Variants in IL1RAPL1 observed in about 807,000 individuals in gnomAD.
IL1RAPL1 encodes the protein interleukin-1 receptor accessory protein-like 1.
IL1RAPL1 carries 3 observed loss-of-function variants against 48.4 expected under a neutral mutation model. The ratio of observed to expected loss-of-function variants is 0.06; its 90% CI spans 0.03 to 0.16. The LOEUF is 0.16. Ranked by LOEUF, IL1RAPL1 falls within the 10% of genes least tolerant of loss-of-function variation. The pLI, the probability that IL1RAPL1 is intolerant of heterozygous loss-of-function variation, is 1.00. For missense variants in IL1RAPL1, 349 were observed against 530.6 expected (o/e 0.66, Z 3.36); for synonymous variants, 185 against 187.7 (o/e 0.99, Z 0.12).
intron 2 of IL1RAPL1, among the ~76,000 whole-genome samples, chrX:28,921,859 A>G (rs191030902): frequency 1.8e-5 from 2 of 112,298 alleles, no homozygotes; most frequent in Admixed American, 9.5e-5. Flanking sequence ...CCACTAACCA[A>G]CGTATCAAAG....
chrX:29,038,537 G>T (rs1465887280), intron 2 of IL1RAPL1, among the ~76,000 whole-genome samples: 2 of 111,602 alleles, frequency 1.8e-5, no homozygotes, highest in Non-Finnish European at 3.8e-5. Context: ...GACCCATCAT[G>T]TTCTGATCAC....
At chrX:29,871,946 C>T (rs1406031288) in intron 6 of IL1RAPL1, among the ~76,000 whole-genome samples, 1 of 111,337 alleles carries the variant, frequency 9.0e-6, no homozygotes, top group Non-Finnish European at 1.9e-5. Context: ...CTGACTTGAA[C>T]TCCTGACCTT....
At chrX:28,626,691 C>A (rs1934344266) in intron 1 of IL1RAPL1, among the ~76,000 whole-genome samples, 1 of 112,510 alleles carries the variant, frequency 8.9e-6, no homozygotes, top group Admixed American at 9.4e-5. Flanking sequence ...GTCTAAAGGG[C>A]AGCAATCTCT....
intron 2 of IL1RAPL1, among the ~76,000 whole-genome samples, chrX:29,123,089 G>T (rs1044870660): frequency 6.4e-5 from 7 of 109,051 alleles, no homozygotes; most frequent in Non-Finnish European, 1.9e-5. Context: ...GAGTGCAGTG[G>T]CGCAACCTCA....
intron 2 of IL1RAPL1, among the ~76,000 whole-genome samples, chrX:29,030,184 A>G (rs1026762462): frequency 9.0e-6 from 1 of 111,066 alleles, no homozygotes; most frequent in Non-Finnish European, 1.9e-5. Context: ...GAATAAAGTC[A>G]GTCCTCTGAA....
At chrX:29,039,560 G>C (rs1433787517) in intron 2 of IL1RAPL1, among the ~76,000 whole-genome samples, 1 of 110,649 alleles carries the variant, frequency 9.0e-6, no homozygotes, top group African/African-American at 3.3e-5. Flanking sequence ...AGCCTTGCAT[G>C]GCTCGGGCAA....
intron 2 of IL1RAPL1, among the ~76,000 whole-genome samples, chrX:28,871,492 CAG>C (rs1478070635): frequency 2.7e-5 from 3 of 111,962 alleles, no homozygotes; most frequent in Non-Finnish European, 5.6e-5. Flanking sequence ...TCAGATAAAA[CAG>C]TGTGCTTCCA....
intron 6 of IL1RAPL1, among the ~76,000 whole-genome samples, chrX:29,733,502 G>A (rs148327801): frequency 3.0e-4 from 34 of 111,886 alleles, no homozygotes; most frequent in Non-Finnish European, 3.6e-4. Context: ...GTGACCTTCA[G>A]AACTTTATGT....
intron 6 of IL1RAPL1, among the ~76,000 whole-genome samples, chrX:29,891,463 G>A (rs1932275050): frequency 9.0e-6 from 1 of 111,384 alleles, no homozygotes; most frequent in Admixed American, 9.6e-5. Context: ...TGGCTATTGA[G>A]CCCAGAGTTC....
At chrX:28,675,396 A>G (rs1376602539) in intron 1 of IL1RAPL1, among the ~76,000 whole-genome samples, 1 of 111,254 alleles carries the variant, frequency 9.0e-6, no homozygotes, top group Non-Finnish European at 1.9e-5. Context: ...CTAACTTGTC[A>G]TGTAATGGTT....
chrX:29,390,926 C>A (rs1219119180), intron 3 of IL1RAPL1, among the ~76,000 whole-genome samples: 2 of 111,610 alleles, frequency 1.8e-5, no homozygotes, highest in African/African-American at 6.5e-5. Context: ...GTAATCCCAG[C>A]ACTTTGGGAG....
chrX:29,806,428 A>G (rs759864379), intron 6 of IL1RAPL1, among the ~76,000 whole-genome samples: 3 of 112,116 alleles, frequency 2.7e-5, no homozygotes, highest in East Asian at 2.8e-4. Context: ...CTAAATTCCA[A>G]TGAAATCCAA....
chrX:28,825,943 C>T (rs778781447), intron 2 of IL1RAPL1, among the ~76,000 whole-genome samples: 3 of 111,179 alleles, frequency 2.7e-5, no homozygotes, highest in Non-Finnish European at 5.7e-5. Flanking sequence ...ATTTGAATTT[C>T]AGCTTCTCTG....
intron 6 of IL1RAPL1, among the ~76,000 whole-genome samples, chrX:29,905,012 C>T (rs1932579187): frequency 8.9e-6 from 1 of 112,106 alleles, no homozygotes; most frequent in African/African-American, 3.2e-5. Flanking sequence ...ATTCCTATTT[C>T]TCCACAGCCT....
At chrX:29,118,525 G>A (rs1336026665) in intron 2 of IL1RAPL1, among the ~76,000 whole-genome samples, 1 of 111,786 alleles carries the variant, frequency 8.9e-6, no homozygotes, top group African/African-American at 3.2e-5. Flanking sequence ...AGATGCAGAA[G>A]TTGTGAGAAA....
At chrX:29,264,471 A>G (rs143656635) in intron 2 of IL1RAPL1, among the ~76,000 whole-genome samples, 1,810 of 111,138 alleles carry the variant, frequency 0.016, 19 homozygotes, top group Middle Eastern at 0.048. Context: ...ACTAAGTTCC[A>G]TCTGTAAGAA....
rs5901899 is a variant in IL1RAPL1 at position 28,640,723 on chromosome X, TAA to T, written c.-25+52687_-25+52688del. On this transcript the variant is annotated intron_variant, in intron 1 of 10. Transcript: ENST00000378993. ...ATGAAGAAACTGAGCCTCAGGAAAT[TAA>T]AAAAAAAAAACTCATAACTAGTAAG... Among the ~76,000 whole-genome samples the T allele has an allele frequency of 1.0e-3, 105 of 102,685 alleles. 1 individual carries two copies. In the East Asian group the frequency reaches 0.015, roughly 14 times the overall value. The allele number at this position is 102,685 out of a possible 115,157, so 89.2% of individuals were successfully genotyped here.
intron 1 of IL1RAPL1, among the ~76,000 whole-genome samples, chrX:28,705,338 A>G (rs1240267300): frequency 1.8e-5 from 2 of 111,959 alleles, no homozygotes; most frequent in East Asian, 2.8e-4. Context: ...CCATAAAAAA[A>G]GAGAAAAAAC....
At chrX:29,819,588 A>T in intron 6 of IL1RAPL1, among the ~76,000 whole-genome samples, 1 of 111,045 alleles carries the variant, frequency 9.0e-6, no homozygotes, top group South Asian at 3.8e-4. Context: ...TCAAATTGTC[A>T]GTATGTAATT....
Sources: gnomAD v4.1 joint callset for allele counts (sites outside exome capture counted in the v4.1 genomes callset) on GRCh38, gnomAD v4.1.1 for gene constraint, MANE v1.5 for transcripts, NCBI Gene and HGNC (gene_info 2026-07-23, HGNC 2026-07-21) for gene names.